Variants in B3GLCT observed in about 807,000 individuals in gnomAD.
B3GLCT encodes the protein beta 3-glucosyltransferase, also known as beta-1,3-glucosyltransferase.
A neutral mutation model predicts 63.4 loss-of-function variants in B3GLCT; 65 were observed. That is an observed-to-expected ratio of 1.03 (90% CI 0.84 to 1.26). The LOEUF is 1.26. Among genes scored for constraint, B3GLCT ranks in the 50% most tolerant of loss-of-function variants. The pLI is 0.00. For missense variants in B3GLCT, 577 were observed against 604.8 expected (o/e 0.95, Z 0.48); for synonymous variants, 233 against 219.2 (o/e 1.06, Z -0.55).
At chr13:31,219,813 A>T (rs7335297) in intron 2 of B3GLCT, among the ~76,000 whole-genome samples, 3 of 152,166 alleles carry the variant, frequency 2.0e-5, no homozygotes, top group African/African-American at 7.2e-5. Context: ...TACCTGAACA[A>T]ATCAAAGTAA....
Position 31,317,628 on chromosome 13 carries a change from A to G in B3GLCT, c.1127A>G (p.Glu376Gly), listed in dbSNP as rs1330750557. 1 of 1,613,914 alleles carries G rather than the reference A, an allele frequency of 6.2e-7. No individual in the cohort carries two copies. The highest frequency in any genetic ancestry group is 8.5e-7 in the Non-Finnish European group (1 of 1,180,008). Residue 376 changes from glutamate (E) to glycine (G), a missense_variant, in exon 13 of 15, where the codon GAG (glutamate) becomes GGG (glycine). Coordinates refer to ENST00000343307, the MANE Select transcript of B3GLCT (RefSeq NM_194318.4). ...YDSGEPVFLG[E>G]RYGYGLGTGG... is the part of the protein sequence containing the mutation. ...TCCGGCGAGCCTGTGTTTCTGGGAG[A>G]GCGCTACGGCTACGGCCTGGGCACT... is the stretch of plus-strand genomic sequence containing the variant.
At chr13:31,280,028 T>C (rs1366884312) in intron 10 of B3GLCT, among the ~76,000 whole-genome samples, 1 of 152,218 alleles carries the variant, frequency 6.6e-6, no homozygotes, top group Admixed American at 6.5e-5. Flanking sequence ...ATATCGCTGT[T>C]ATCCTGTTCT....
rs575358645 is a variant in B3GLCT at position 31,233,907 on chromosome 13, G to A, written c.270+4613G>A. On this transcript the variant is annotated intron_variant, in intron 4 of 14. Coordinates refer to ENST00000343307, the MANE Select transcript of B3GLCT (RefSeq NM_194318.4). ...CTTTTGGTATTTGAAGACATACTACGGGCAAAGTACTGGGGATACAAAGAT... is the reference window on the plus strand; with the variant it reads ...CTTTTGGTATTTGAAGACATACTACAGGCAAAGTACTGGGGATACAAAGAT... 9.9e-5 allele frequency among the ~76,000 whole-genome samples: 15 copies of A among 152,210 alleles called. No homozygotes were observed. The East Asian group carries it at 1.2e-3, about 12-fold the overall frequency.
chr13:31,323,799 TCGATGCTACAGCAATGATGCTCC>T lies in B3GLCT; in HGVS notation c.1239_1261del (p.Cys413Ter). The stretch of plus-strand genomic sequence containing the variant: ...TCAGGAGACTTCTCGCCAGTAAATG[TCGATGCTACAGCAATGATGCTCC>T]CGATGATATGGTCCTGGGAATGTGC... On this transcript the variant is annotated frameshift_variant, in exon 14 of 15. Coordinates refer to ENST00000343307, the MANE Select transcript of B3GLCT (RefSeq NM_194318.4). LOFTEE classifies it high-confidence loss of function. The T allele has an allele frequency of 6.2e-7, 1 of 1,614,184 alleles. No individual in the cohort carries two copies. Among genetic ancestry groups the T allele is most frequent in the Non-Finnish European group, 8.5e-7 (1 of 1,180,024 alleles).
intron 12 of B3GLCT, chr13:31,312,288 T>C (rs895994917): frequency 6.6e-6 from 1 of 152,240 alleles, no homozygotes; most frequent in Non-Finnish European, 1.5e-5. Context: ...GCAAAGTGCC[T>C]AATGAAATGT....
At chr13:31,301,859 A>G (rs1302204206) in intron 12 of B3GLCT, among the ~76,000 whole-genome samples, 1 of 152,184 alleles carries the variant, frequency 6.6e-6, no homozygotes, top group Non-Finnish European at 1.5e-5. Context: ...ATAATGTTGT[A>G]TTAAGACTTT....
Position 31,317,617 on chromosome 13 carries a change from G to A in B3GLCT, c.1116G>A (p.Val372=). ...LLSCYDSGEP[V]FLGERYGYGL... ...GCTGTTATGACTCCGGCGAGCCTGT[G>A]TTTCTGGGAGAGCGCTACGGCTACG... The change falls in exon 13 of 15, where the codon GTG becomes GTA. Residue 372 remains valine (V), a synonymous_variant. Coordinates refer to ENST00000343307, the MANE Select transcript of B3GLCT (RefSeq NM_194318.4). 1 of 1,614,094 alleles carries A rather than the reference G, an allele frequency of 6.2e-7. No homozygotes were observed. The highest frequency in any genetic ancestry group is 2.2e-5 in the East Asian group (1 of 44,862).
chr13:31,318,769 A>G (rs754172910), intron 13 of B3GLCT, among the ~76,000 whole-genome samples: 1 of 152,190 alleles, frequency 6.6e-6, no homozygotes, highest in African/African-American at 2.4e-5. Context: ...GGATCAGAAC[A>G]TGGCACCCAT....
chr13:31,269,412 A>T, intron 8 of B3GLCT, 135 bp downstream of exon 8: 1 of 638,742 alleles, frequency 1.6e-6, no homozygotes, highest in South Asian at 1.8e-5. Flanking sequence ...ATTTCATAGC[A>T]CTCCAGCGAA....
intron 7 of B3GLCT, among the ~76,000 whole-genome samples, chr13:31,261,947 AC>A (rs966575502): frequency 2.3e-4 from 35 of 151,916 alleles, no homozygotes; most frequent in African/African-American, 8.0e-4. Flanking sequence ...CAACAACAAA[AC>A]CCCCTGTGTT....
chr13:31,327,068 T>C (rs190239586), intron 14 of B3GLCT, among the ~76,000 whole-genome samples: 6 of 152,310 alleles, frequency 3.9e-5, no homozygotes, highest in Non-Finnish European at 7.4e-5. Flanking sequence ...AGGGGATACA[T>C]TCCACAATCC....
intron 1 of B3GLCT, among the ~76,000 whole-genome samples, chr13:31,211,089 A>G (rs1302658538): frequency 6.6e-6 from 1 of 152,054 alleles, no homozygotes; most frequent in South Asian, 2.1e-4. Flanking sequence ...AGATTACACA[A>G]ATTTAAAGAT....
chr13:31,325,571 G>T (rs1287393085), intron 14 of B3GLCT, among the ~76,000 whole-genome samples: 1 of 152,054 alleles, frequency 6.6e-6, no homozygotes, highest in East Asian at 1.9e-4. Flanking sequence ...TAAAAATAAG[G>T]TTGTTGTTTC....
chr13:31,284,873 A>G (rs1205419228), intron 11 of B3GLCT, 112 bp downstream of exon 11: 4 of 748,846 alleles, frequency 5.3e-6, no homozygotes, highest in Non-Finnish European at 9.3e-6. Flanking sequence ...TTTTTGCCTC[A>G]TATTAGTTTT....
intron 10 of B3GLCT, among the ~76,000 whole-genome samples, 199 bp from the exon 11 acceptor site, chr13:31,284,449 A>G (rs1163182392): frequency 6.6e-6 from 1 of 152,210 alleles, no homozygotes; most frequent in Non-Finnish European, 1.5e-5. Flanking sequence ...ACTCTAGAGA[A>G]TGTTGAAAAT....
At chr13:31,277,389 TA>T (rs796656819) in intron 10 of B3GLCT, among the ~76,000 whole-genome samples, 5,751 of 143,872 alleles carry the variant, frequency 0.04, 363 homozygotes, top group African/African-American at 0.14. Context: ...GACGATAATG[TA>T]AAAAAAAAAA....
intron 10 of B3GLCT, among the ~76,000 whole-genome samples, chr13:31,277,288 A>G (rs1228423995): frequency 3.3e-5 from 5 of 152,244 alleles, no homozygotes; most frequent in Admixed American, 6.5e-5. Context: ...CGGTACAAAC[A>G]GTGAATCTCT....
chr13:31,331,144 C>T lies in B3GLCT; in HGVS notation c.*1476C>T, dbSNP rs532772548. The T allele has an allele frequency of 3.8e-4, 58 of 152,164 alleles. No individual in the cohort carries two copies. The highest frequency in any genetic ancestry group is 1.1e-3 in the African/African-American group (45 of 41,424). The allele number at this position is 152,164 out of a possible 1,614,324, so 9.4% of individuals were successfully genotyped here. On this transcript the variant is annotated 3_prime_UTR_variant, in exon 15 of 15. Coordinates refer to ENST00000343307, the MANE Select transcript of B3GLCT (RefSeq NM_194318.4). ...AGAGGCTCCAGAAGGATTTCTAGAT[C>T]GCTTCAAGCCTATACTGATGGCCTT...
chr13:31,319,022 C>A (rs1447407198), intron 13 of B3GLCT, among the ~76,000 whole-genome samples: 1 of 152,156 alleles, frequency 6.6e-6, no homozygotes, highest in Non-Finnish European at 1.5e-5. Flanking sequence ...CTTTCATCAT[C>A]CCAGTTGGTT....
Sources: allele counts gnomAD v4.1 joint callset (sites outside exome capture counted in the v4.1 genomes callset), GRCh38; gene constraint gnomAD v4.1.1; transcripts MANE v1.5; gene names NCBI Gene and HGNC (gene_info 2026-07-23, HGNC 2026-07-21).